Variants in ANKRD13A observed in about 807,000 individuals in gnomAD.
ANKRD13A encodes ankyrin repeat domain-containing protein 13A.
ANKRD13A carries 48 observed loss-of-function variants against 81.3 expected under a neutral mutation model. The observed-to-expected ratio is 0.59, with a 90% confidence interval of 0.47 to 0.75. ANKRD13A has a LOEUF of 0.75. ANKRD13A is among the 30% of genes least tolerant of loss of function. The probability of loss-of-function intolerance (pLI) is 0.00; values close to 1 mark genes in which losing one functional copy is unlikely to be tolerated. For synonymous variants in ANKRD13A, 230 were observed against 270.1 expected, an observed-to-expected ratio of 0.85 and a Z score of 1.45; for missense variants, 612 against 734.0, an observed-to-expected ratio of 0.83 and a Z score of 1.92.
chr12:110,029,489 T>C lies in ANKRD13A; in HGVS notation c.1088T>C (p.Met363Thr), dbSNP rs969469946. ...LTIRTQKFKA[M>T]LWMCEEFPLS... ...GTTGAATTCTGCAGGTTTAAAGCAA[T>C]GTTGTGGATGTGTGAAGAGTTTCCC... The change falls in exon 11 of 15, where the codon ATG becomes ACG. Residue 363 changes from methionine to threonine, a missense_variant. By Grantham distance (81) the Met-to-Thr change is moderately conservative (BLOSUM62 -1). Transcript: ENST00000261739. 3.7e-6 allele frequency: 6 copies of C among 1,611,864 alleles called. No individual in the cohort carries two copies. The highest frequency in any genetic ancestry group is 5.1e-6 in the Non-Finnish European group (6 of 1,178,144).
At chr12:110,004,036 T>C (rs11064688) in intron 1 of ANKRD13A, among the ~76,000 whole-genome samples, 11,679 of 152,008 alleles carry the variant, frequency 0.077, 660 homozygotes, top group African/African-American at 0.15. Context: ...CGGGTGCTTG[T>C]AATCCCAGCT....
Position 110,036,380 on chromosome 12 carries a change from CA to C in ANKRD13A, c.1577+53del. ...AAACCAGGGTGAACACAGGCCTGGA[CA>C]CAGGCGAGCAGACGCGTGGCACTGT... is the stretch of plus-strand genomic sequence containing the variant. On this transcript the variant is annotated intron_variant, in intron 14 of 14. Coordinates refer to ENST00000261739, the MANE Select transcript of ANKRD13A (RefSeq NM_033121.2). The surrounding 1 kb of genome is among the most constrained non-coding windows in gnomAD (Gnocchi z 4.6). The C allele has an allele frequency of 6.4e-7, 1 of 1,552,298 alleles. No homozygotes were observed. Among genetic ancestry groups the C allele is most frequent in the Non-Finnish European group, 8.9e-7 (1 of 1,124,176 alleles).
chr12:110,025,685 T>G, intron 7 of ANKRD13A, 57 bp from the exon 8 acceptor site: 1 of 1,365,778 alleles, frequency 7.3e-7, no homozygotes, highest in East Asian at 2.4e-5. Flanking sequence ...TTTGCTGTGC[T>G]TACTTTTGGA....
intron 7 of ANKRD13A, among the ~76,000 whole-genome samples, chr12:110,025,452 G>C (rs1349577522): frequency 6.6e-6 from 1 of 152,066 alleles, no homozygotes; most frequent in Non-Finnish European, 1.5e-5. Flanking sequence ...AGATTGCAGG[G>C]CATTTGTTTG....
intron 1 of ANKRD13A, among the ~76,000 whole-genome samples, chr12:110,004,014 T>A (rs1355248414): frequency 6.6e-6 from 1 of 151,988 alleles, no homozygotes; most frequent in Non-Finnish European, 1.5e-5. Context: ...AAAAATTAGC[T>A]GGGCATGGTG....
rs111931974 is a variant in ANKRD13A at position 110,029,257 on chromosome 12, G to A, written c.1077-221G>A. ...CTTGCTGTCAATTAAGGCTTTGATC[G>A]TGGCAGGTTGTCATGCAGGTCGCTT... On this transcript the variant is annotated intron_variant, in intron 10 of 14. Transcript: ENST00000261739. The A allele has an allele frequency of 1.8e-3, 726 of 414,090 alleles. 1 individual carries two copies. Among genetic ancestry groups the A allele is most frequent in the Non-Finnish European group, 2.9e-3 (668 of 230,326 alleles). The allele number at this position is 414,090 out of a possible 1,614,324, so 25.7% of individuals were successfully genotyped here.
At chr12:110,011,915 T>C in intron 1 of ANKRD13A, 90 bp from the exon 2 acceptor site, 1 of 1,325,442 alleles carries the variant, frequency 7.5e-7, no homozygotes, top group South Asian at 1.6e-5. Context: ...ATATGTTTTC[T>C]ATTTTTTGTA....
Position 110,036,520 on chromosome 12 carries a change from C to A in ANKRD13A, c.1577+192C>A, listed in dbSNP as rs955906991. On this transcript the variant is annotated intron_variant, in intron 14 of 14. Coordinates refer to ENST00000261739, the MANE Select transcript of ANKRD13A (RefSeq NM_033121.2). This position sits in a 1 kb window ranked among gnomAD's most constrained non-coding sequence, Gnocchi z 4.6. Reference sequence around the variant, plus strand: ...ATCCCAGCATTTTGGGAGGCCGAGGCAGGCGGATCACGAGGTCAGAAGATT... The same window carrying A: ...ATCCCAGCATTTTGGGAGGCCGAGGAAGGCGGATCACGAGGTCAGAAGATT... Among the ~76,000 whole-genome samples, 6 of 152,172 alleles carry A rather than the reference C, an allele frequency of 3.9e-5. No individual in the cohort carries two copies. Among genetic ancestry groups the A allele is most frequent in the African/African-American group, 1.2e-4 (5 of 41,456 alleles).
rs563789432 is a variant in ANKRD13A, at chr12:110,019,751, C to T, written c.734+423C>T. On this transcript the variant is annotated intron_variant, in intron 6 of 14. Coordinates refer to ENST00000261739, the MANE Select transcript of ANKRD13A (RefSeq NM_033121.2). The stretch of plus-strand genomic sequence containing the variant: ...TACTGATATTGGTCAGTCAGATTCA[C>T]ACTTACTATATAGTTAAATGTTTGT... Among the ~76,000 whole-genome samples, 7 of 152,298 alleles carry T rather than the reference C, an allele frequency of 4.6e-5. No individual in the cohort carries two copies. The South Asian group carries it at 1.5e-3, about 32-fold the overall frequency.
rs1013233722 is a variant in ANKRD13A at position 109,999,568 on chromosome 12, A to C, written c.-121A>C. On this transcript the variant is annotated 5_prime_UTR_variant, in exon 1 of 15. Coordinates refer to ENST00000261739, the MANE Select transcript of ANKRD13A (RefSeq NM_033121.2). This position sits in a 1 kb window ranked among gnomAD's most constrained non-coding sequence, Gnocchi z 4.3. The stretch of plus-strand genomic sequence containing the variant: ...CACCCGACCGGCTCAGCCGGCCGGC[A>C]GCGTAACACGCCCTACGCTCGCTTG... The C allele has an allele frequency of 2.3e-5, 16 of 702,970 alleles. No homozygotes were observed. In the African/African-American group the frequency reaches 3.0e-4, roughly 13 times the overall value. 43.5% of individuals were successfully genotyped at this position (702,970 alleles called of 1,614,324 possible).
intron 1 of ANKRD13A, among the ~76,000 whole-genome samples, chr12:110,010,641 G>A (rs1405628052): frequency 5.3e-5 from 8 of 152,184 alleles, no homozygotes; most frequent in Non-Finnish European, 1.2e-4. Flanking sequence ...TTAGCACCGG[G>A]GGAACACTGA....
At chr12:110,037,213 C>G (rs938276890) in intron 14 of ANKRD13A, 146 bp from the exon 15 acceptor site, 2 of 812,436 alleles carry the variant, frequency 2.5e-6, no homozygotes, top group South Asian at 1.7e-5. Flanking sequence ...ACACCTACAC[C>G]GCCAGTTATG....
At chr12:110,026,624 G>A (rs1891357236) in intron 8 of ANKRD13A, among the ~76,000 whole-genome samples, 1 of 151,820 alleles carries the variant, frequency 6.6e-6, no homozygotes, top group South Asian at 2.1e-4. Context: ...GCTCACACCT[G>A]TAATCCCAAC....
In ANKRD13A at chr12:110,018,412, C is replaced by T. The variant is rs373982722; in HGVS notation, c.468C>T (p.Arg156=). The T allele has an allele frequency of 9.9e-6, 16 of 1,613,944 alleles. No homozygotes were observed. Among genetic ancestry groups the T allele is most frequent in the African/African-American group, 1.3e-5 (1 of 74,888 alleles). The change falls in exon 5 of 15, where the codon CGC becomes CGT. Residue 156 remains arginine (R), a synonymous_variant. Transcript: ENST00000261739. The surrounding 1 kb of genome is among the most constrained non-coding windows in gnomAD (Gnocchi z 4.4). ...CRIWKSGAKL[R]VDITLLGFEN... ...TCTGGAAAAGTGGTGCCAAACTGCGCGTCGATATCACATTGCTGGGATTTG... is the reference window on the plus strand; with the variant it reads ...TCTGGAAAAGTGGTGCCAAACTGCGTGTCGATATCACATTGCTGGGATTTG...
At position 110,038,790 on chromosome 12, in the gene ANKRD13A, T is replaced by G. The variant is rs1044994; in HGVS notation, c.*1236T>G. On this transcript the variant is annotated 3_prime_UTR_variant, in exon 15 of 15. Transcript: ENST00000261739. ...CTCTCTTTTGTCAAACCCTCTTGTA[T>G]ATAACCATCGCACAACATACAGAAC... 1 of 152,124 alleles carries G rather than the reference T, an allele frequency of 6.6e-6. No individual in the cohort carries two copies. The highest frequency in any genetic ancestry group is 1.9e-4 in the East Asian group (1 of 5,194). The allele number at this position is 152,124 out of a possible 1,614,324, so 9.4% of individuals were successfully genotyped here.
chr12:110,028,938 A>G (rs1179413998), intron 10 of ANKRD13A: 4 of 265,230 alleles, frequency 1.5e-5, no homozygotes, highest in South Asian at 4.0e-5. Flanking sequence ...GGGTTTCACC[A>G]TATTGGTCAG....
chr12:110,030,524 T>C, intron 11 of ANKRD13A, 121 bp from the exon 12 acceptor site: 1 of 491,308 alleles, frequency 2.0e-6, no homozygotes, highest in Non-Finnish European at 3.4e-6. Flanking sequence ...AGGGTTGTTA[T>C]GAGGCTTAAA....
Position 110,037,596 on chromosome 12 carries a change from G to C in ANKRD13A, c.*42G>C, listed in dbSNP as rs775848255. On this transcript the variant is annotated 3_prime_UTR_variant, in exon 15 of 15. Coordinates refer to ENST00000261739, the MANE Select transcript of ANKRD13A (RefSeq NM_033121.2). ...GCCTCTGCACAAAGCAGAGGCTGTG[G>C]GCTGTCACAGATGCTGTGTCAACCA... 19 of 1,583,594 alleles carry C rather than the reference G, an allele frequency of 1.2e-5. No individual in the cohort carries two copies. Among genetic ancestry groups the C allele is most frequent in the Admixed American group, 3.5e-5 (2 of 56,916 alleles).
In ANKRD13A at chr12:110,036,834, T is replaced by G. The variant is rs1345807978; in HGVS notation, c.1577+506T>G. Among the ~76,000 whole-genome samples the G allele has an allele frequency of 6.6e-6, 1 of 152,118 alleles. No homozygotes were observed. The highest frequency in any genetic ancestry group is 1.5e-5 in the Non-Finnish European group (1 of 68,012). On this transcript the variant is annotated intron_variant, in intron 14 of 14. Coordinates refer to ENST00000261739, the MANE Select transcript of ANKRD13A (RefSeq NM_033121.2). The surrounding 1 kb of genome is among the most constrained non-coding windows in gnomAD (Gnocchi z 4.6). ...ATAACTCTAGACTCTTGATAGCAAG[T>G]TTCCAGGAATGGGTGATAGAATTGC... is the stretch of plus-strand genomic sequence containing the variant.
Sources: allele counts gnomAD v4.1 joint callset (sites outside exome capture counted in the v4.1 genomes callset), GRCh38; gene constraint gnomAD v4.1.1; non-coding constraint Gnocchi (gnomAD v3.1); transcripts MANE v1.5; gene names NCBI Gene and HGNC (gene_info 2026-07-23, HGNC 2026-07-21).